The following PACRG variants were observed in gnomAD, a reference collection of about 807,000 sequenced individuals.
PACRG encodes parkin coregulated, also known as parkin coregulated gene protein.
PACRG carries 29 observed loss-of-function variants against 29.7 expected under a neutral mutation model. The ratio of observed to expected loss-of-function variants is 0.98; its 90% CI spans 0.73 to 1.33. The LOEUF (loss-of-function observed/expected upper bound fraction) is 1.33. Among genes scored for constraint, PACRG ranks in the 40% most tolerant of loss-of-function variants. The pLI is 0.00. For missense variants in PACRG, 279 were observed against 316.2 expected, an observed-to-expected ratio of 0.88 and a Z score of 0.89; for synonymous variants, 116 against 118.7, an observed-to-expected ratio of 0.98 and a Z score of 0.15.
chr6:162,911,079 CTA>C (rs1475004122), intron 2 of PACRG, among the ~76,000 whole-genome samples: 1 of 152,188 alleles, frequency 6.6e-6, no homozygotes, highest in African/African-American at 2.4e-5. Context: ...GATATATGTT[CTA>C]AGTCATGATG....
At chr6:163,004,600 C>G (rs1306111694) in intron 2 of PACRG, among the ~76,000 whole-genome samples, 1 of 151,784 alleles carries the variant, frequency 6.6e-6, no homozygotes, top group East Asian at 2.0e-4. Context: ...CTGATCTCTC[C>G]CTTGACATGT....
intron 4 of PACRG, among the ~76,000 whole-genome samples, chr6:163,250,906 T>TATATATAC (rs1026185460): frequency 2.3e-4 from 35 of 149,316 alleles, no homozygotes; most frequent in African/African-American, 8.7e-4. Flanking sequence ...TATATATATA[T>TATATATAC]ACACTATGGA....
chr6:162,962,833 T>C (rs1400994401), intron 2 of PACRG, among the ~76,000 whole-genome samples: 2 of 152,214 alleles, frequency 1.3e-5, no homozygotes, highest in African/African-American at 4.8e-5. Context: ...GGATAGTGAC[T>C]GAAGAACAAG....
intron 4 of PACRG, among the ~76,000 whole-genome samples, chr6:163,270,506 G>A (rs1471278982): frequency 2.0e-5 from 3 of 151,582 alleles, no homozygotes; most frequent in African/African-American, 7.3e-5. Context: ...AAGTAGCTGG[G>A]ACTAAAGGTG....
intron 4 of PACRG, among the ~76,000 whole-genome samples, chr6:163,307,050 A>G (rs1162117385): frequency 6.6e-6 from 1 of 152,224 alleles, no homozygotes; most frequent in African/African-American, 2.4e-5. Context: ...TATTCTTTTC[A>G]CTATATCAGT....
chr6:162,855,667 G>A (rs1485017269), intron 2 of PACRG, among the ~76,000 whole-genome samples: 2 of 152,186 alleles, frequency 1.3e-5, no homozygotes, highest in East Asian at 1.9e-4. Flanking sequence ...CTTATGACAA[G>A]GGACATGGGA....
chr6:162,904,576 TGAA>T lies in PACRG; in HGVS notation c.291+90301_291+90303del, dbSNP rs555472524. Reference sequence around the variant, plus strand: ...TTGAGCAACTAAGACTCTTGATGAATGAAGAAGACTTTTAGAAACCTATTAATA... The same window carrying T: ...TTGAGCAACTAAGACTCTTGATGAATGAAGACTTTTAGAAACCTATTAATA... On this transcript the variant is annotated intron_variant, in intron 2 of 4. Coordinates refer to ENST00000366888, the MANE Select transcript of PACRG (RefSeq NM_001080379.2). Among the ~76,000 whole-genome samples the T allele has an allele frequency of 1.9e-3, 285 of 152,312 alleles. 1 individual carries two copies. The highest frequency in any genetic ancestry group is 6.7e-3 in the African/African-American group (280 of 41,572).
chr6:162,905,449 T>C (rs57754262), intron 2 of PACRG, among the ~76,000 whole-genome samples: 1,897 of 152,256 alleles, frequency 0.012, 39 homozygotes, highest in African/African-American at 0.043. Flanking sequence ...ACTGGCAGCA[T>C]TTACAGTCAC....
intron 2 of PACRG, among the ~76,000 whole-genome samples, chr6:163,061,162 T>C (rs1811066866): frequency 6.6e-6 from 1 of 152,170 alleles, no homozygotes; most frequent in African/African-American, 2.4e-5. Context: ...AATTATCACC[T>C]CTTGCTGGGA....
At chr6:162,727,707 C>G (rs371617209), upstream of PACRG, 10 of 1,558,076 alleles carry the variant, frequency 6.4e-6, no homozygotes, top group African/African-American at 8.2e-5. Context: ...CAGGAACAGG[C>G]CCATGCGCGC....
At chr6:162,758,191 G>A (rs1159941400) in intron 1 of PACRG, among the ~76,000 whole-genome samples, 10 of 152,030 alleles carry the variant, frequency 6.6e-5, no homozygotes, top group Non-Finnish European at 2.9e-5. Flanking sequence ...TGACAGCCGT[G>A]TAAGATTTTA....
At chr6:162,895,912 T>C (rs970662253) in intron 2 of PACRG, among the ~76,000 whole-genome samples, 7 of 152,224 alleles carry the variant, frequency 4.6e-5, no homozygotes, top group African/African-American at 1.7e-4. Context: ...TTCTTTGTAG[T>C]GTTTACTGTG....
At chr6:162,965,906 C>T (rs1187628888) in intron 2 of PACRG, among the ~76,000 whole-genome samples, 1 of 152,294 alleles carries the variant, frequency 6.6e-6, no homozygotes, top group East Asian at 1.9e-4. Flanking sequence ...GACTAGAGGG[C>T]TTGAGATTGT....
At chr6:163,159,853 C>T (rs12190368) in intron 4 of PACRG, among the ~76,000 whole-genome samples, 15,289 of 152,162 alleles carry the variant, frequency 0.1, 1,093 homozygotes, top group Middle Eastern at 0.2. Context: ...AGACACCTTC[C>T]CCTCCCCTTC....
intron 1 of PACRG, among the ~76,000 whole-genome samples, chr6:162,806,611 G>A (rs957506112): frequency 6.6e-6 from 1 of 152,054 alleles, no homozygotes; most frequent in Non-Finnish European, 1.5e-5. Flanking sequence ...TTTCTGAGCA[G>A]TAGATCTCAA....
chr6:163,166,350 A>AT (rs1223650291), intron 4 of PACRG: 16 of 385,334 alleles, frequency 4.2e-5, no homozygotes, highest in African/African-American at 2.9e-4. Context: ...TAATTGGTAT[A>AT]TTGATACCCC....
intron 4 of PACRG, among the ~76,000 whole-genome samples, chr6:163,253,888 C>T (rs1783003630): frequency 6.6e-6 from 1 of 152,202 alleles, no homozygotes; most frequent in South Asian, 2.1e-4. Context: ...GAGCAGGGCT[C>T]CCAGCTCTGA....
intron 3 of PACRG, among the ~76,000 whole-genome samples, chr6:163,081,798 C>T (rs1813107246): frequency 1.3e-5 from 2 of 152,000 alleles, no homozygotes; most frequent in Admixed American, 6.6e-5. Context: ...TTTTATGTTA[C>T]ATATATTTTA....
In PACRG at chr6:163,293,716, A is replaced by T. The variant is rs547354478; in HGVS notation, c.614-21111A>T. On this transcript the variant is annotated intron_variant, in intron 4 of 4. Transcript: ENST00000366888. ...TCCACGTTACCATTAGAGAAAGTGA[A>T]CATAAATACTGAAATATTAAAGTAA... Among the ~76,000 whole-genome samples the T allele has an allele frequency of 2.6e-5, 4 of 152,334 alleles. No individual in the cohort carries two copies. In the South Asian group the frequency reaches 8.3e-4, roughly 32 times the overall value.
Sources: gnomAD v4.1 joint callset for allele counts (sites outside exome capture counted in the v4.1 genomes callset) on GRCh38, gnomAD v4.1.1 for gene constraint, MANE v1.5 for transcripts, NCBI Gene and HGNC (gene_info 2026-07-23, HGNC 2026-07-21) for gene names.